DYSF: variants seen among roughly 807,000 people sequenced by gnomAD.
DYSF encodes dysferlin.
Under a neutral mutation model 274.9 loss-of-function variants are expected in DYSF, and 212 were observed. The ratio of observed to expected loss-of-function variants is 0.77; its 90% confidence interval spans 0.69 to 0.86. The LOEUF is 0.86. Among genes scored for constraint, DYSF ranks in the 40% least tolerant of loss-of-function variants. DYSF has a pLI of 0.00. For synonymous variants in DYSF, 1,091 were observed against 1,078.7 expected, an observed-to-expected ratio of 1.01 and a Z score of -0.22; for missense variants, 2,666 against 2,783.2, an observed-to-expected ratio of 0.96 and a Z score of 0.95.
chr2:71,641,679 G>A (rs2094488545), intron 41 of DYSF, among the ~76,000 whole-genome samples: 1 of 151,670 alleles, frequency 6.6e-6, no homozygotes, highest in Non-Finnish European at 1.5e-5. Context: ...GCTACAACTC[G>A]TACGTTTTGG....
intron 45 of DYSF, among the ~76,000 whole-genome samples, chr2:71,661,803 C>T (rs1431148056): frequency 6.6e-6 from 1 of 152,212 alleles, no homozygotes; most frequent in Non-Finnish European, 1.5e-5. Flanking sequence ...TGGTCACTCA[C>T]CCTGCAGTGA....
At chr2:71,589,805 C>T in intron 31 of DYSF, 119 bp downstream of exon 31, 2 of 1,025,818 alleles carry the variant, frequency 1.9e-6, no homozygotes, top group East Asian at 2.4e-5. Context: ...AGTCTCTGTG[C>T]TTTTTGGTGG....
rs1273978331 is a variant in DYSF at position 71,653,505 on chromosome 2, T to A, written c.4627-2657T>A. 1.3e-4 allele frequency among the ~76,000 whole-genome samples: 20 copies of A among 152,128 alleles called. No homozygotes were observed. The East Asian group carries it at 3.3e-3, about 25-fold the overall frequency. Reference sequence around the variant, plus strand: ...ATAAAGAATGATGAGTTCATGTCCTTTGTAGGCACATGGATGAAGCTGGAA... The same window carrying A: ...ATAAAGAATGATGAGTTCATGTCCTATGTAGGCACATGGATGAAGCTGGAA... On this transcript the variant is annotated intron_variant, in intron 42 of 55. Coordinates refer to ENST00000410020, the MANE Select transcript of DYSF (RefSeq NM_001130987.2).
chr2:71,570,249 C>G lies in DYSF; in HGVS notation c.3000C>G (p.Pro1000=). 1 of 1,614,088 alleles carries G rather than the reference C, an allele frequency of 6.2e-7. No individual in the cohort carries two copies. Among genetic ancestry groups the G allele is most frequent in the Non-Finnish European group, 8.5e-7 (1 of 1,179,996 alleles). ...YTDVNGEKVL[P]KDDIECPLGW... The stretch of plus-strand genomic sequence containing the variant: ...CTTAGAACGGGGAGAAGGTGCTTCC[C>G]AAGGATGACATTGAGTGCCCACTGG... Residue 1000 remains proline (P), a synonymous_variant, in exon 28 of 56, where the codon CCC becomes CCG. Coordinates refer to ENST00000410020, the MANE Select transcript of DYSF (RefSeq NM_001130987.2).
chr2:71,674,202 C>T lies in DYSF; in HGVS notation c.5790C>T (p.Ala1930=). The change falls in exon 52 of 56, where the codon GCC becomes GCT. Residue 1930 remains alanine (A), a synonymous_variant. Transcript: ENST00000410020. The part of the protein sequence containing the change: ...EQVCTIAKKD[A]FWRLDKTESK... The stretch of plus-strand genomic sequence containing the variant: ...CTGTTCCTCTTCCGGGTCAGGATGC[C>T]TTCTGGAGGCTGGACAAGACTGAGA... 1 of 1,614,204 alleles carries T rather than the reference C, an allele frequency of 6.2e-7. No individual in the cohort carries two copies. Among genetic ancestry groups the T allele is most frequent in the Non-Finnish European group, 8.5e-7 (1 of 1,180,034 alleles).
chr2:71,539,371 A>G, intron 17 of DYSF, 132 bp downstream of exon 17: 1 of 769,834 alleles, frequency 1.3e-6, no homozygotes, highest in Non-Finnish European at 2.3e-6. Context: ...CCCATTTTCC[A>G]CTGAGAAGAG....
At chr2:71,501,592 C>G (rs1269118058) in intron 3 of DYSF, among the ~76,000 whole-genome samples, 1 of 152,226 alleles carries the variant, frequency 6.6e-6, no homozygotes, top group Non-Finnish European at 1.5e-5. Flanking sequence ...CCTCCTCCCC[C>G]CAGCTTGTAT....
At chr2:71,532,830 TTCTATCTA>T (rs61396446) in intron 14 of DYSF, among the ~76,000 whole-genome samples, 5,198 of 147,524 alleles carry the variant, frequency 0.035, 105 homozygotes, top group South Asian at 0.049. Flanking sequence ...AGTACATTTA[TTCTATCTA>T]TCTATCTATC....
Position 71,551,705 on chromosome 2 carries a change from C to T in DYSF, c.1791C>T (p.Asp597=), listed in dbSNP as rs773168782. The T allele has an allele frequency of 1.9e-6, 3 of 1,607,672 alleles. No homozygotes were observed. In the South Asian group the frequency reaches 3.4e-5, roughly 18 times the overall value. ...EQKVEDLPAD[D]ILRVEKYLRR... ...AGGTGGAGGACCTTCCTGCGGATGA[C>T]ATCCTCCGGGTGGAGGTGAGGGGTG... The change falls in exon 19 of 56, where the codon GAC becomes GAT. Residue 597 remains aspartate, a synonymous_variant. Transcript: ENST00000410020.
intron 41 of DYSF, among the ~76,000 whole-genome samples, chr2:71,640,385 G>C (rs966090884): frequency 3.3e-5 from 5 of 151,930 alleles, no homozygotes; most frequent in African/African-American, 1.2e-4. Flanking sequence ...TTTTTGTTTT[G>C]CATATTATAA....
chr2:71,455,551 G>A (rs2081025900), intron 1 of DYSF, among the ~76,000 whole-genome samples: 2 of 152,342 alleles, frequency 1.3e-5, no homozygotes, highest in Admixed American at 1.3e-4. Context: ...CGCATCCTCA[G>A]CTCTGGGCAG....
chr2:71,622,135 T>TTTTTTTTTTTTTTTTTG (rs1558651860), intron 41 of DYSF, among the ~76,000 whole-genome samples: 2 of 138,612 alleles, frequency 1.4e-5, no homozygotes, highest in East Asian at 2.1e-4. Flanking sequence ...TCTTTGTTTT[T>TTTTTTTTTTTTTTTTTG]TTTTTTTTTT....
intron 30 of DYSF, among the ~76,000 whole-genome samples, chr2:71,587,145 C>G (rs890537283): frequency 6.6e-6 from 1 of 152,218 alleles, no homozygotes; most frequent in African/African-American, 2.4e-5. Flanking sequence ...GTTGCACACC[C>G]TGCAGCCAGG....
chr2:71,563,190 CAT>C (rs1288741669), intron 23 of DYSF, among the ~76,000 whole-genome samples: 1 of 152,202 alleles, frequency 6.6e-6, no homozygotes, highest in Non-Finnish European at 1.5e-5. Context: ...GTTAGGAACA[CAT>C]ATTTGGAGTC....
upstream of DYSF, among the ~76,000 whole-genome samples, chr2:71,466,217 G>C (rs912768108): frequency 6.6e-6 from 1 of 152,170 alleles, no homozygotes; most frequent in Non-Finnish European, 1.5e-5. Context: ...ATGAGGCGGG[G>C]GGCTCGGGGT....
chr2:71,498,378 A>C (rs2084628892), intron 3 of DYSF, among the ~76,000 whole-genome samples: 1 of 152,216 alleles, frequency 6.6e-6, no homozygotes, highest in Non-Finnish European at 1.5e-5. Flanking sequence ...CAGGGATGGA[A>C]TCACAGGAAG....
At chr2:71,535,341 C>G (rs373383258) in intron 16 of DYSF, 30 bp downstream of exon 16, 2 of 1,611,656 alleles carry the variant, frequency 1.2e-6, no homozygotes, top group East Asian at 2.2e-5. Flanking sequence ...GTCTTTAGGG[C>G]GGGCTGTCCT....
chr2:71,528,472 G>A lies in DYSF; in HGVS notation c.1380+71G>A. 4 of 1,336,202 alleles carry A rather than the reference G, an allele frequency of 3.0e-6. No homozygotes were observed. The South Asian group carries it at 4.9e-5, about 16-fold the overall frequency. 82.8% of individuals were successfully genotyped at this position (1,336,202 alleles called of 1,614,324 possible). ...TGGTGCCCTGTGGACTGTGCCGGGT[G>A]AGAGCAAGACAGAGTGAGATGCCCC... On this transcript the variant is annotated intron_variant, in intron 14 of 55. Transcript: ENST00000410020.
chr2:71,601,437 T>C (rs1231151670), intron 34 of DYSF, 62 bp from the exon 35 acceptor site: 1 of 1,605,456 alleles, frequency 6.2e-7, no homozygotes, highest in Non-Finnish European at 8.5e-7. Context: ...ATGAGTGTCA[T>C]GAGGGTGATG....
Sources: gnomAD v4.1 joint callset for allele counts (sites outside exome capture counted in the v4.1 genomes callset) on GRCh38, gnomAD v4.1.1 for gene constraint, MANE v1.5 for transcripts, NCBI Gene and HGNC (gene_info 2026-07-23, HGNC 2026-07-21) for gene names.